Variants in SGMS2 observed in about 807,000 individuals in gnomAD.
The protein encoded by SGMS2 is sphingomyelin synthase 2.
A neutral mutation model predicts 43.8 loss-of-function variants in SGMS2; 21 were observed. That is an observed-to-expected ratio of 0.48 (90% confidence interval 0.34 to 0.69). The LOEUF (loss-of-function observed/expected upper bound fraction) is 0.69. Among genes scored for constraint, SGMS2 ranks in the 30% least tolerant of loss-of-function variants. The pLI, the probability that SGMS2 is intolerant of heterozygous loss-of-function variation, is 0.01. For missense variants in SGMS2, 384 were observed against 443.2 expected, an observed-to-expected ratio of 0.87 and a Z score of 1.20; for synonymous variants, 167 against 160.6, an observed-to-expected ratio of 1.04 and a Z score of -0.30.
At chr4:107,860,366 A>G (rs1424331885) in intron 2 of SGMS2, among the ~76,000 whole-genome samples, 5 of 152,126 alleles carry the variant, frequency 3.3e-5, no homozygotes, top group African/African-American at 7.2e-5. Context: ...GTTGTGGCCA[A>G]TTGTTTGCTC....
At chr4:107,882,881 C>CAATGTATTATTATTCA (rs1560658171) in intron 2 of SGMS2, among the ~76,000 whole-genome samples, 1 of 152,066 alleles carries the variant, frequency 6.6e-6, no homozygotes, top group Non-Finnish European at 1.5e-5. Flanking sequence ...AATGTATAAA[C>CAATGTATTATTATTCA]ATCTATTATT....
intron 1 of SGMS2, among the ~76,000 whole-genome samples, chr4:107,836,872 G>A (rs1726214898): frequency 1.3e-5 from 2 of 152,160 alleles, no homozygotes; most frequent in African/African-American, 4.8e-5. Flanking sequence ...GCAGGGGAGG[G>A]AAGGGAGAGG....
intron 1 of SGMS2, among the ~76,000 whole-genome samples, chr4:107,842,980 G>A (rs79636885): frequency 6.6e-6 from 1 of 152,096 alleles, no homozygotes; most frequent in South Asian, 2.1e-4. Context: ...GGTATTAGTC[G>A]CTACATTTCG....
intron 4 of SGMS2, among the ~76,000 whole-genome samples, chr4:107,902,870 A>G (rs999325238): frequency 6.6e-6 from 1 of 152,190 alleles, no homozygotes; most frequent in Non-Finnish European, 1.5e-5. Context: ...GCTGAATCAA[A>G]TATTAACCAT....
At chr4:107,862,599 G>A (rs1727805158) in intron 2 of SGMS2, among the ~76,000 whole-genome samples, 1 of 152,068 alleles carries the variant, frequency 6.6e-6, no homozygotes, top group Non-Finnish European at 1.5e-5. Context: ...CAAAGGACCT[G>A]TTTATTCTGT....
At chr4:107,844,748 C>T (rs1726717602) in intron 1 of SGMS2, among the ~76,000 whole-genome samples, 1 of 152,066 alleles carries the variant, frequency 6.6e-6, no homozygotes, top group Non-Finnish European at 1.5e-5. Flanking sequence ...ATTTTAGATT[C>T]TAAAATGAAC....
At chr4:107,881,557 A>C (rs927183917) in intron 2 of SGMS2, among the ~76,000 whole-genome samples, 7 of 152,164 alleles carry the variant, frequency 4.6e-5, no homozygotes, top group Admixed American at 1.3e-4. Context: ...TAATCAAATC[A>C]GGGTAAATGG....
intron 4 of SGMS2, among the ~76,000 whole-genome samples, chr4:107,901,074 G>T (rs1434658785): frequency 6.6e-6 from 1 of 152,158 alleles, no homozygotes; most frequent in Non-Finnish European, 1.5e-5. Flanking sequence ...ATTACAGAAA[G>T]AAAGTAAATT....
intron 4 of SGMS2, among the ~76,000 whole-genome samples, chr4:107,902,072 A>G (rs1300134463): frequency 1.3e-5 from 2 of 150,764 alleles, no homozygotes; most frequent in Non-Finnish European, 3.0e-5. Flanking sequence ...ATACCTGGCT[A>G]ATTTTGTTTT....
At chr4:107,891,389 C>A (rs908398352) in intron 2 of SGMS2, among the ~76,000 whole-genome samples, 1 of 152,116 alleles carries the variant, frequency 6.6e-6, no homozygotes, top group South Asian at 2.1e-4. Flanking sequence ...GACATTAAGA[C>A]CAGCTGGTTG....
In SGMS2 at chr4:107,893,996, G is replaced by A. The variant is rs1485065299; in HGVS notation, c.-244-1314G>A. Among the ~76,000 whole-genome samples the A allele has an allele frequency of 2.6e-5, 4 of 152,270 alleles. No individual in the cohort carries two copies. In the East Asian group the frequency reaches 5.8e-4, roughly 22 times the overall value. On this transcript the variant is annotated intron_variant, in intron 2 of 6. Coordinates refer to ENST00000690982, the MANE Select transcript of SGMS2 (RefSeq NM_001375905.1). Reference sequence around the variant, plus strand: ...CACTCCTTTTAATTTGCCCTACATAGCCTTCAGCACTGGGGCATTTAGGTG... The same window carrying A: ...CACTCCTTTTAATTTGCCCTACATAACCTTCAGCACTGGGGCATTTAGGTG...
intron 2 of SGMS2, chr4:107,864,375 TGCAGAGTCTCTC>T (rs1727961428): frequency 6.6e-6 from 1 of 152,148 alleles, no homozygotes; most frequent in Non-Finnish European, 1.5e-5. Context: ...TTCCTGAACT[TGCAGAGTCTCTC>T]TCTCTGGTTC....
Position 107,899,628 on chromosome 4 carries a change from G to A in SGMS2, c.509G>A (p.Arg170His), listed in dbSNP as rs779909720. The change falls in exon 4 of 7, where the codon CGC becomes CAC. Residue 170 changes from arginine to histidine, a missense_variant. By Grantham distance (29) the Arg-to-His change is conservative (BLOSUM62 0). Coordinates refer to ENST00000690982, the MANE Select transcript of SGMS2 (RefSeq NM_001375905.1). ...ATTATTGGAACTTTATACCTGTATC[G>A]CTGCATTACAATGTATGTTACTACT... ...CFIIGTLYLYRCITMYVTTLP... is the reference protein window; with the variant it reads ...CFIIGTLYLYHCITMYVTTLP... 14 of 1,612,980 alleles carry A rather than the reference G, an allele frequency of 8.7e-6. No individual in the cohort carries two copies. The highest frequency in any genetic ancestry group is 3.3e-5 in the South Asian group (3 of 90,924).
Position 107,879,466 on chromosome 4 carries a change from A to AT in SGMS2, c.-244-15832dup, listed in dbSNP as rs760276923. On this transcript the variant is annotated intron_variant, in intron 2 of 6. Coordinates refer to ENST00000690982, the MANE Select transcript of SGMS2 (RefSeq NM_001375905.1). ...TAGAAATAATTTATCTTGATGGGCTATTTTTTTTTTTTCGAGACCGAGTCT... is the reference window on the plus strand; with the variant it reads ...TAGAAATAATTTATCTTGATGGGCTATTTTTTTTTTTTTCGAGACCGAGTCT... Among the ~76,000 whole-genome samples, 45 of 103,744 alleles carry AT rather than the reference A, an allele frequency of 4.3e-4. 1 individual carries two copies. Among genetic ancestry groups the AT allele is most frequent in the Middle Eastern group, 4.6e-3 (1 of 218 alleles). 68.1% of individuals were successfully genotyped at this position (103,744 alleles called of 152,430 possible).
chr4:107,910,755 GC>G lies in SGMS2; in HGVS notation c.*203del. On this transcript the variant is annotated 3_prime_UTR_variant, in exon 7 of 7. Coordinates refer to ENST00000690982, the MANE Select transcript of SGMS2 (RefSeq NM_001375905.1). ...CCTGAGAAAGATACATTCTCTTGCA[GC>G]TCTTCATTCATTGGTGACAAGCCCC... 1.8e-6 allele frequency: 1 copy of G among 546,824 alleles called. No homozygotes were observed. Among genetic ancestry groups the G allele is most frequent in the Non-Finnish European group, 3.2e-6 (1 of 313,530 alleles). The allele number at this position is 546,824 out of a possible 1,614,324, so 33.9% of individuals were successfully genotyped here.
At chr4:107,828,461 C>T (rs1245925980) in intron 1 of SGMS2, among the ~76,000 whole-genome samples, 2 of 152,194 alleles carry the variant, frequency 1.3e-5, no homozygotes, top group African/African-American at 4.8e-5. Flanking sequence ...TTCCAACTTA[C>T]GTTTTCTCTC....
chr4:107,831,231 T>C (rs1725873311), intron 1 of SGMS2, among the ~76,000 whole-genome samples: 1 of 152,146 alleles, frequency 6.6e-6, no homozygotes, highest in African/African-American at 2.4e-5. Context: ...CAGCGATATG[T>C]TGGGTTTTGA....
At chr4:107,834,147 T>G (rs1726043982) in intron 1 of SGMS2, among the ~76,000 whole-genome samples, 1 of 152,216 alleles carries the variant, frequency 6.6e-6, no homozygotes, top group Non-Finnish European at 1.5e-5. Flanking sequence ...CAGAGCAATC[T>G]GTGTTTTGAT....
intron 3 of SGMS2, among the ~76,000 whole-genome samples, chr4:107,897,810 C>T (rs1221214500): frequency 6.6e-6 from 1 of 152,116 alleles, no homozygotes; most frequent in Non-Finnish European, 1.5e-5. Flanking sequence ...ATTTTTATAA[C>T]CTGTTTTGAA....
Sources: allele counts gnomAD v4.1 joint callset (sites outside exome capture counted in the v4.1 genomes callset), GRCh38; gene constraint gnomAD v4.1.1; transcripts MANE v1.5; gene names NCBI Gene and HGNC (gene_info 2026-07-23, HGNC 2026-07-21).